The following ACACB variants were observed in gnomAD, a reference collection of about 807,000 sequenced individuals.
ACACB encodes acetyl-CoA carboxylase beta.
In ACACB, 209 loss-of-function variants were observed where a neutral mutation model predicts 278.8. That is an observed-to-expected ratio of 0.75 (90% confidence interval 0.67 to 0.84). ACACB has a LOEUF of 0.84. Ranked by LOEUF, ACACB falls within the 40% of genes least tolerant of loss-of-function variation. The pLI is 0.00. For missense variants in ACACB, 2,850 were observed against 3,269.0 expected (o/e 0.87, Z 3.13); for synonymous variants, 1,174 against 1,285.6 (o/e 0.91, Z 1.86).
chr12:109,116,401 G>T (rs2042404432), upstream of ACACB, among the ~76,000 whole-genome samples: 1 of 152,184 alleles, frequency 6.6e-6, no homozygotes, highest in Non-Finnish European at 1.5e-5. Flanking sequence ...ATGAAATAAA[G>T]CGAGTTATGG....
At chr12:109,159,647 C>T (rs2136119701) in intron 2 of ACACB, among the ~76,000 whole-genome samples, 1 of 152,206 alleles carries the variant, frequency 6.6e-6, no homozygotes, top group Non-Finnish European at 1.5e-5. Context: ...TGGGGCTGTC[C>T]AGTTCTTTGT....
chr12:109,199,285 G>T, intron 17 of ACACB, 117 bp from the exon 18 acceptor site: 1 of 880,816 alleles, frequency 1.1e-6, no homozygotes. Flanking sequence ...CACCCTTTGG[G>T]AATGTAGAGG....
chr12:109,118,460 C>A (rs1276117282), intron 1 of ACACB, among the ~76,000 whole-genome samples: 1 of 146,726 alleles, frequency 6.8e-6, no homozygotes, highest in Non-Finnish European at 1.5e-5. Context: ...GTCACCCAGG[C>A]TGGAGTGCGA....
In ACACB at chr12:109,202,705, A is replaced by G. The variant is rs1338874302; in HGVS notation, c.2913+1004A>G. ...CATTTGTCATATTTAATGAACCAAT[A>G]TCGATATATTAGGTATTATTGTTTA... is the stretch of plus-strand genomic sequence containing the variant. On this transcript the variant is annotated intron_variant, in intron 19 of 52. Transcript: ENST00000338432. Among the ~76,000 whole-genome samples the G allele has an allele frequency of 4.6e-5, 7 of 152,308 alleles. No individual in the cohort carries two copies. In the East Asian group the frequency reaches 7.7e-4, roughly 17 times the overall value.
Position 109,168,009 on chromosome 12 carries a change from C to T in ACACB, c.900C>T (p.Thr300=). ...ERAIRFVVMV[T]PEDLKANAEY... ...CCATCCGGTTTGTTGTGATGGTGAC[C>T]CCCGAGGACCTTAAGGCCAACGCAG... The change falls in exon 4 of 53, where the codon ACC becomes ACT. Residue 300 remains threonine (T), a synonymous_variant. Transcript: ENST00000338432. 2 of 1,613,016 alleles carry T rather than the reference C, an allele frequency of 1.2e-6. No homozygotes were observed. The highest frequency in any genetic ancestry group is 1.7e-6 in the Non-Finnish European group (2 of 1,179,452).
chr12:109,179,085 C>T lies in ACACB; in HGVS notation c.1438-3C>T, dbSNP rs1431030012. 6.2e-7 allele frequency: 1 copy of T among 1,611,964 alleles called. No homozygotes were observed. Among genetic ancestry groups the T allele is most frequent in the Admixed American group, 1.7e-5 (1 of 59,768 alleles). On this transcript the variant is annotated splice_region_variant and splice_polypyrimidine_tract_variant and intron_variant, in intron 9 of 52. Coordinates refer to ENST00000338432, the MANE Select transcript of ACACB (RefSeq NM_001093.4). The stretch of plus-strand genomic sequence containing the variant: ...GATCAGGCTGCTCTGCTTCCCCCGA[C>T]AGGTACAGAGTGAGATCCCAGGCTC...
chr12:109,164,927 G>T (rs1050101616), intron 2 of ACACB, among the ~76,000 whole-genome samples: 3 of 151,854 alleles, frequency 2.0e-5, no homozygotes, highest in Non-Finnish European at 4.4e-5. Flanking sequence ...GTCTTCCACT[G>T]AAACCAGAGG....
upstream of ACACB, among the ~76,000 whole-genome samples, chr12:109,114,541 G>A (rs2042366620): frequency 6.6e-6 from 1 of 151,924 alleles, no homozygotes; most frequent in South Asian, 2.1e-4. Flanking sequence ...TAGACCATGT[G>A]GTCACTTAAT....
At chr12:109,116,949 A>G (rs573939873) in intron 1 of ACACB, among the ~76,000 whole-genome samples, 61 of 152,052 alleles carry the variant, frequency 4.0e-4, no homozygotes, top group Non-Finnish European at 6.8e-4. Flanking sequence ...ATGCTCCCAT[A>G]TAAGTTCCAC....
At chr12:109,211,204 G>A (rs1326156386) in intron 21 of ACACB, among the ~76,000 whole-genome samples, 1 of 151,932 alleles carries the variant, frequency 6.6e-6, no homozygotes, top group Non-Finnish European at 1.5e-5. Flanking sequence ...GGCCATTCTC[G>A]GAGGTTAGGA....
At chr12:109,229,759 CT>C (rs1233560706) in intron 28 of ACACB, among the ~76,000 whole-genome samples, 18 of 152,100 alleles carry the variant, frequency 1.2e-4, no homozygotes, top group African/African-American at 4.3e-4. Flanking sequence ...TCTGGAACTC[CT>C]AACCTCAAAT....
At chr12:109,122,321 T>G (rs2135942983) in intron 1 of ACACB, among the ~76,000 whole-genome samples, 1 of 152,276 alleles carries the variant, frequency 6.6e-6, no homozygotes, top group Non-Finnish European at 1.5e-5. Context: ...TATAAAATGC[T>G]TCATATAGGC....
intron 35 of ACACB, 80 bp downstream of exon 35, chr12:109,240,065 C>A: frequency 6.7e-7 from 1 of 1,487,080 alleles, no homozygotes. Flanking sequence ...TTGTCTCTTG[C>A]CACTCAAGAC....
intron 1 of ACACB, among the ~76,000 whole-genome samples, chr12:109,128,188 G>A (rs545731952): frequency 3.0e-4 from 45 of 151,990 alleles, no homozygotes; most frequent in Non-Finnish European, 5.3e-4. Flanking sequence ...TTGCTCTGTC[G>A]CCCAGGCCGC....
At chr12:109,245,055 C>T (rs2046902352) in intron 37 of ACACB, among the ~76,000 whole-genome samples, 1 of 151,868 alleles carries the variant, frequency 6.6e-6, no homozygotes, top group Non-Finnish European at 1.5e-5. Context: ...CAAAATTAGC[C>T]AGGTGTGGTG....
At position 109,210,100 on chromosome 12, in the gene ACACB, T is replaced by C. The variant is rs2045688058; in HGVS notation, c.3249+747T>C. Among the ~76,000 whole-genome samples the C allele has an allele frequency of 2.4e-5, 3 of 127,120 alleles. 1 individual carries two copies. The South Asian group carries it at 7.0e-4, about 29-fold the overall frequency. The allele number at this position is 127,120 out of a possible 152,430, so 83.4% of individuals were successfully genotyped here. On this transcript the variant is annotated intron_variant, in intron 21 of 52. Coordinates refer to ENST00000338432, the MANE Select transcript of ACACB (RefSeq NM_001093.4). ...ATATATGTATATATACACACATGTGTGTGTATATGTATATATACACGTACA... is the reference window on the plus strand; with the variant it reads ...ATATATGTATATATACACACATGTGCGTGTATATGTATATATACACGTACA...
chr12:109,210,455 G>A (rs1565928671), intron 21 of ACACB, among the ~76,000 whole-genome samples: 3 of 140,796 alleles, frequency 2.1e-5, no homozygotes, highest in Admixed American at 7.1e-5. Flanking sequence ...GTGTATATAT[G>A]TATATATACG....
At chr12:109,212,255 C>T (rs531806985) in intron 21 of ACACB, among the ~76,000 whole-genome samples, 2 of 152,078 alleles carry the variant, frequency 1.3e-5, no homozygotes, top group South Asian at 2.1e-4. Context: ...GTCAGCAGTT[C>T]CCAACCTTTT....
intron 45 of ACACB, among the ~76,000 whole-genome samples, chr12:109,257,359 C>CT (rs943743674): frequency 6.6e-6 from 1 of 151,452 alleles, no homozygotes; most frequent in Admixed American, 6.6e-5. Context: ...TGTGAAAACA[C>CT]TTTGATTTGA....
Sources: gnomAD v4.1 joint callset for allele counts (sites outside exome capture counted in the v4.1 genomes callset) on GRCh38, gnomAD v4.1.1 for gene constraint, MANE v1.5 for transcripts, NCBI Gene and HGNC (gene_info 2026-07-23, HGNC 2026-07-21) for gene names.